Variants in HMMR observed in about 807,000 individuals in gnomAD.
The protein encoded by HMMR is intracellular hyaluronic acid-binding protein.
A neutral mutation model predicts 101.0 loss-of-function variants in HMMR; 108 were observed. That is an observed-to-expected ratio of 1.07 (90% confidence interval 0.92 to 1.25). The LOEUF (loss-of-function observed/expected upper bound fraction) is 1.25, where lower values mean the gene tolerates loss of function less well. Among genes scored for constraint, HMMR ranks in the 50% most tolerant of loss-of-function variants. The pLI, the probability that HMMR is intolerant of heterozygous loss-of-function variation, is 0.00. For missense variants in HMMR, 813 were observed against 788.7 expected, an observed-to-expected ratio of 1.03 and a Z score of -0.37; for synonymous variants, 296 against 276.4, an observed-to-expected ratio of 1.07 and a Z score of -0.70.
chr5:163,483,192 TG>T lies in HMMR; in HGVS notation c.1685+21del. On this transcript the variant is annotated intron_variant, in intron 14 of 17. Transcript: ENST00000393915. Reference sequence around the variant, plus strand: ...AGGAAGGTAATCTATGATTAGAACCTGAGTGCCTTGTTAACTCAGTTACGAT... The same window carrying T: ...AGGAAGGTAATCTATGATTAGAACCTAGTGCCTTGTTAACTCAGTTACGAT... 6.2e-7 allele frequency: 1 copy of T among 1,606,108 alleles called. No homozygotes were observed. Among genetic ancestry groups the T allele is most frequent in the Non-Finnish European group, 8.5e-7 (1 of 1,175,546 alleles).
At chr5:163,468,505 A>G (rs1187550207) in intron 4 of HMMR, among the ~76,000 whole-genome samples, 2 of 152,136 alleles carry the variant, frequency 1.3e-5, no homozygotes, top group African/African-American at 2.4e-5. Flanking sequence ...TCTTTTCCTC[A>G]TGGATATATT....
chr5:163,462,039 A>G (rs569868649), intron 1 of HMMR, among the ~76,000 whole-genome samples: 2 of 152,132 alleles, frequency 1.3e-5, no homozygotes, highest in Non-Finnish European at 2.9e-5. Flanking sequence ...AAATACAACT[A>G]CTCACAAAGG....
chr5:163,485,254 A>G (rs1027612587), intron 16 of HMMR, among the ~76,000 whole-genome samples: 2 of 152,208 alleles, frequency 1.3e-5, no homozygotes, highest in African/African-American at 4.8e-5. Flanking sequence ...TAGAAAGGTC[A>G]GGCTGTATTC....
intron 12 of HMMR, among the ~76,000 whole-genome samples, chr5:163,480,144 G>A (rs1759207598): frequency 6.6e-6 from 1 of 152,148 alleles, no homozygotes; most frequent in Non-Finnish European, 1.5e-5. Context: ...GTATCCATAT[G>A]TAAGTTCCTC....
intron 1 of HMMR, among the ~76,000 whole-genome samples, chr5:163,461,574 C>T (rs975683149): frequency 2.0e-5 from 3 of 151,932 alleles, no homozygotes; most frequent in African/African-American, 4.8e-5. Context: ...GCAGGTGGAT[C>T]ACGAGGTCAG....
intron 16 of HMMR, among the ~76,000 whole-genome samples, chr5:163,487,048 C>T (rs1179889420): frequency 1.3e-5 from 2 of 152,106 alleles, no homozygotes; most frequent in Non-Finnish European, 2.9e-5. Flanking sequence ...TGGGAGACAA[C>T]AGCGAAACAA....
At chr5:163,466,598 A>G (rs1758715667) in intron 3 of HMMR, among the ~76,000 whole-genome samples, 1 of 152,204 alleles carries the variant, frequency 6.6e-6, no homozygotes, top group Non-Finnish European at 1.5e-5. Context: ...TCTCCTTTCT[A>G]TGTTTTATGA....
At chr5:163,464,018 A>C (rs539789459) in intron 2 of HMMR, 64 bp downstream of exon 2, 2 of 508,048 alleles carry the variant, frequency 3.9e-6, no homozygotes, top group East Asian at 7.0e-5. Context: ...TATGAATAAC[A>C]ATATTTAAAG....
At chr5:163,464,839 G>A in intron 3 of HMMR, 37 bp downstream of exon 3, 4 of 1,287,126 alleles carry the variant, frequency 3.1e-6, no homozygotes, top group Non-Finnish European at 2.3e-6. Flanking sequence ...TTTATCAAGT[G>A]TATCATCAAA....
chr5:163,480,711 T>G (rs1017718400), intron 12 of HMMR, among the ~76,000 whole-genome samples: 2 of 152,200 alleles, frequency 1.3e-5, no homozygotes, highest in African/African-American at 4.8e-5. Flanking sequence ...CCAGTGTACT[T>G]AGTGTAAAAT....
intron 2 of HMMR, 84 bp downstream of exon 2, chr5:163,464,038 C>T (rs1758623189): frequency 6.5e-6 from 3 of 464,350 alleles, no homozygotes; most frequent in Non-Finnish European, 1.1e-5. Flanking sequence ...GATGTTATAG[C>T]ATTTTTTAAA....
Position 163,483,335 on chromosome 5 carries a change from G to C in HMMR, c.1753G>C (p.Glu585Gln). 6.2e-7 allele frequency: 1 copy of C among 1,604,060 alleles called. No homozygotes were observed. ...EEINKWRLLY[E>Q]ELYNKTKPFQ... ...AATTAACAAGTGGCGTCTCCTCTAT[G>C]AAGAACTATATAATAAAACAAAACC... Residue 585 changes from glutamate to glutamine, a missense_variant, in exon 15 of 18, where the codon GAA becomes CAA. Glu to Gln is a conservative substitution (Grantham distance 29). Coordinates refer to ENST00000393915, the MANE Select transcript of HMMR (RefSeq NM_001142556.2).
intron 4 of HMMR, among the ~76,000 whole-genome samples, chr5:163,469,418 C>T (rs549799857): frequency 2.0e-5 from 3 of 150,218 alleles, no homozygotes; most frequent in South Asian, 4.2e-4. Flanking sequence ...GTACTTGGAA[C>T]TTATGGCAAC....
chr5:163,469,914 T>G, intron 5 of HMMR, 85 bp downstream of exon 5: 1 of 926,162 alleles, frequency 1.1e-6, no homozygotes, highest in Non-Finnish European at 1.6e-6. Flanking sequence ...ACGCCTGTGT[T>G]CCCAGCATTT....
At position 163,479,361 on chromosome 5, in the gene HMMR, G is replaced by A. The variant is rs142417222; in HGVS notation, c.1385+561G>A. ...CCAATCAATATTAAAACATGTTAAT[G>A]TACATCTGTCTGTAAAATATATTAA... On this transcript the variant is annotated intron_variant, in intron 12 of 17. Coordinates refer to ENST00000393915, the MANE Select transcript of HMMR (RefSeq NM_001142556.2). Among the ~76,000 whole-genome samples the A allele has an allele frequency of 8.3e-4, 126 of 152,204 alleles. 2 individuals are homozygous for A. Among genetic ancestry groups the A allele is most frequent in the African/African-American group, 2.7e-3 (114 of 41,516 alleles).
chr5:163,485,448 A>G lies in HMMR; in HGVS notation c.1962+1203A>G, dbSNP rs1246948546. ...TGGTAATGATGTTGGTCATCTTTTC[A>G]TGTGCTTACTGGCCATTTGTATATC... is the stretch of plus-strand genomic sequence containing the variant. On this transcript the variant is annotated intron_variant, in intron 16 of 17. Transcript: ENST00000393915. Among the ~76,000 whole-genome samples, 3 of 152,258 alleles carry G rather than the reference A, an allele frequency of 2.0e-5. No homozygotes were observed. In the East Asian group the frequency reaches 5.8e-4, roughly 29 times the overall value.
At chr5:163,479,345 A>G (rs1581197075) in intron 12 of HMMR, among the ~76,000 whole-genome samples, 1 of 152,272 alleles carries the variant, frequency 6.6e-6, no homozygotes, top group South Asian at 2.1e-4. Context: ...TCCAATCAAT[A>G]TTAAAACATG....
At chr5:163,478,072 C>T (rs765684234) in intron 11 of HMMR, among the ~76,000 whole-genome samples, 1 of 152,046 alleles carries the variant, frequency 6.6e-6, no homozygotes, top group Non-Finnish European at 1.5e-5. Context: ...ATATGCATAT[C>T]TAAAAATTTT....
Position 163,463,191 on chromosome 5 carries a change from A to G in HMMR, c.47-665A>G, listed in dbSNP as rs779751141. ...TCTAGTACAATTTGTACTTTGTGTA[A>G]CATTGGCTTTTTGAATTTCCTAAGC... On this transcript the variant is annotated intron_variant, in intron 1 of 17. Coordinates refer to ENST00000393915, the MANE Select transcript of HMMR (RefSeq NM_001142556.2). Among the ~76,000 whole-genome samples the G allele has an allele frequency of 2.2e-4, 34 of 152,320 alleles. No homozygotes were observed. In the Middle Eastern group the frequency reaches 0.017, roughly 76 times the overall value.
Sources: gnomAD v4.1 joint callset for allele counts (sites outside exome capture counted in the v4.1 genomes callset) on GRCh38, gnomAD v4.1.1 for gene constraint, MANE v1.5 for transcripts, NCBI Gene and HGNC (gene_info 2026-07-23, HGNC 2026-07-21) for gene names.